NCAPH2: variants seen among roughly 807,000 people sequenced by gnomAD.
The protein encoded by NCAPH2 is non-SMC condensin II complex subunit H2, also known as condensin-2 complex subunit H2.
Under a neutral mutation model 88.6 loss-of-function variants are expected in NCAPH2, and 56 were observed. The observed-to-expected ratio is 0.63, with a 90% CI of 0.51 to 0.79. The LOEUF is 0.79. NCAPH2 is among the 30% of genes least tolerant of loss of function. NCAPH2 has a pLI of 0.00. For missense variants in NCAPH2, 794 were observed against 792.0 expected (o/e 1.00, Z -0.03); for synonymous variants, 378 against 313.6 (o/e 1.21, Z -2.17).
At chr22:50,518,558 G>C in intron 7 of NCAPH2, 91 bp from the exon 8 acceptor site, 1 of 1,328,920 alleles carries the variant, frequency 7.5e-7, no homozygotes, top group African/African-American at 1.5e-5. Context: ...CTGCCCTCCT[G>C]CTGGCCCCTT....
Position 50,521,855 on chromosome 22 carries a change from G to A in NCAPH2, c.1108+7G>A, listed in dbSNP as rs780983594. The A allele has an allele frequency of 1.1e-5, 17 of 1,613,856 alleles. No individual in the cohort carries two copies. Among genetic ancestry groups the A allele is most frequent in the Admixed American group, 1.7e-5 (1 of 60,028 alleles). On this transcript the variant is annotated splice_region_variant and intron_variant, in intron 12 of 19. Coordinates refer to ENST00000420993, the MANE Select transcript of NCAPH2 (RefSeq NM_152299.4). ...CAGTGGTACCTGGCTGCCTGTGAGT[G>A]GGTGTGGTGTGCACTCCGGACCACT...
At chr22:50,515,695 C>A (rs900799017) in intron 1 of NCAPH2, 8 of 1,071,892 alleles carry the variant, frequency 7.5e-6, no homozygotes, top group Admixed American at 6.8e-5. Flanking sequence ...CGCACCCGGC[C>A]TTTTTTTTTT....
chr22:50,524,690 G>A lies in NCAPH2; in HGVS notation c.*1315G>A. Reference sequence around the variant, plus strand: ...CCCTGCACCTGCACCTCAGCAAGGTGAACCTCTTGCTGACGGAAAGCATTC... The same window carrying A: ...CCCTGCACCTGCACCTCAGCAAGGTAAACCTCTTGCTGACGGAAAGCATTC... On this transcript the variant is annotated 3_prime_UTR_variant, in exon 20 of 20. Coordinates refer to ENST00000420993, the MANE Select transcript of NCAPH2 (RefSeq NM_152299.4). The A allele has an allele frequency of 1.5e-6, 1 of 665,246 alleles. No individual in the cohort carries two copies. The highest frequency in any genetic ancestry group is 2.1e-5 in the Admixed American group (1 of 48,316). 41.2% of individuals were successfully genotyped at this position (665,246 alleles called of 1,614,324 possible).
At position 50,523,243 on chromosome 22, in the gene NCAPH2, C is replaced by T. The variant is rs375963947; in HGVS notation, c.1686C>T (p.Asp562=). Residue 562 remains aspartate (D), a synonymous_variant, in exon 20 of 20, where the codon GAC becomes GAT. Coordinates refer to ENST00000420993, the MANE Select transcript of NCAPH2 (RefSeq NM_152299.4). ...ATGTGCCACCCCTGCAGGCCAATGACTACACAGTGGAGATAACCCAGCAGC... is the reference window on the plus strand; with the variant it reads ...ATGTGCCACCCCTGCAGGCCAATGATTACACAGTGGAGATAACCCAGCAGC... The part of the protein sequence containing the change: ...SMLASLQLAN[D]YTVEITQQPG... 4 of 1,612,962 alleles carry T rather than the reference C, an allele frequency of 2.5e-6. No homozygotes were observed. The highest frequency in any genetic ancestry group is 2.2e-5 in the East Asian group (1 of 44,850).
At position 50,508,246 on chromosome 22, in the gene NCAPH2, C is replaced by A; in HGVS notation, c.-92C>A. ...TACGCATTTTCCTGGGCGGGAACAG[C>A]AAAATGGCGCCAGAACTAGTGGCGG... On this transcript the variant is annotated 5_prime_UTR_variant, in exon 1 of 20. Coordinates refer to ENST00000420993, the MANE Select transcript of NCAPH2 (RefSeq NM_152299.4). 1.0e-6 allele frequency: 1 copy of A among 995,304 alleles called. No individual in the cohort carries two copies. The highest frequency in any genetic ancestry group is 1.4e-6 in the Non-Finnish European group (1 of 703,758). The allele number at this position is 995,304 out of a possible 1,614,324, so 61.7% of individuals were successfully genotyped here. A position where few individuals can be genotyped will look rare whatever the true frequency, so the allele number is the denominator to read the frequency against.
Position 50,508,292 on chromosome 22 carries a change from C to G in NCAPH2, c.-46C>G, listed in dbSNP as rs1418126584. On this transcript the variant is annotated 5_prime_UTR_variant, in exon 1 of 20. Transcript: ENST00000420993. ...GGCGGGCTGAGGACGCCGTACCCCTCGGAAGGCAGCCCTGCGGTCCCTTTG... is the reference window on the plus strand; with the variant it reads ...GGCGGGCTGAGGACGCCGTACCCCTGGGAAGGCAGCCCTGCGGTCCCTTTG... The G allele has an allele frequency of 1.4e-6, 2 of 1,398,754 alleles. No individual in the cohort carries two copies. The highest frequency in any genetic ancestry group is 1.9e-6 in the Non-Finnish European group (2 of 1,057,132). The allele number at this position is 1,398,754 out of a possible 1,614,324, so 86.6% of individuals were successfully genotyped here. A position where few individuals can be genotyped will look rare whatever the true frequency, so the allele number is the denominator to read the frequency against.
intron 1 of NCAPH2, among the ~76,000 whole-genome samples, chr22:50,515,092 C>T (rs911082448): frequency 6.6e-6 from 1 of 152,250 alleles, no homozygotes; most frequent in African/African-American, 2.4e-5. Flanking sequence ...TGGAATTACA[C>T]TAATGCTGCT....
At chr22:50,511,007 C>T (rs1021609185) in intron 1 of NCAPH2, among the ~76,000 whole-genome samples, 2 of 151,484 alleles carry the variant, frequency 1.3e-5, no homozygotes, top group Admixed American at 6.6e-5. Flanking sequence ...CCACCACACC[C>T]GGCTAATGTT....
chr22:50,518,391 G>A (rs572460315), intron 7 of NCAPH2, 113 bp downstream of exon 7: 2 of 1,451,374 alleles, frequency 1.4e-6, no homozygotes, highest in Admixed American at 2.3e-5. Context: ...CCCTGTCTCT[G>A]GGTGCCTGCT....
chr22:50,517,889 G>A, intron 5 of NCAPH2, 80 bp downstream of exon 5: 2 of 1,603,982 alleles, frequency 1.2e-6, no homozygotes, highest in Non-Finnish European at 8.5e-7. Context: ...ATGGGGTGTG[G>A]GAAGGTGTCA....
Position 50,523,895 on chromosome 22 carries a change from C to T in NCAPH2, c.*520C>T, listed in dbSNP as rs773221448. 3.5e-5 allele frequency: 57 copies of T among 1,613,712 alleles called. No homozygotes were observed. Among genetic ancestry groups the T allele is most frequent in the African/African-American group, 1.2e-4 (9 of 74,926 alleles). ...ACGTAGCGGGCCATGGCTTCAACGTCGTCCCGCTCGGGGTCCACAGTGATG... is the reference window on the plus strand; with the variant it reads ...ACGTAGCGGGCCATGGCTTCAACGTTGTCCCGCTCGGGGTCCACAGTGATG... On this transcript the variant is annotated 3_prime_UTR_variant, in exon 20 of 20. Coordinates refer to ENST00000420993, the MANE Select transcript of NCAPH2 (RefSeq NM_152299.4).
chr22:50,509,670 G>A (rs941343070), intron 1 of NCAPH2, among the ~76,000 whole-genome samples: 1 of 152,210 alleles, frequency 6.6e-6, no homozygotes, highest in African/African-American at 2.4e-5. Context: ...AGCAGCAAGT[G>A]TGACTCTTAA....
In NCAPH2 at chr22:50,518,713, C is replaced by T. The variant is rs774011340; in HGVS notation, c.711C>T (p.Leu237=). 1.2e-5 allele frequency: 19 copies of T among 1,606,906 alleles called. 1 individual carries two copies. The highest frequency in any genetic ancestry group is 6.7e-5 in the South Asian group (6 of 89,562). The change falls in exon 8 of 20, where the codon CTC becomes CTT. Residue 237 remains leucine, a synonymous_variant. Transcript: ENST00000420993. ...VSVCRSPVPA[L]GFSQEPGPSP... ...TGTGCAGGAGCCCTGTCCCAGCACT[C>T]GGCTTCTCCCAGGAGCCAGGTGAGA...
chr22:50,523,187 G>T, intron 19 of NCAPH2, 21 bp downstream of exon 19: 3 of 1,613,706 alleles, frequency 1.9e-6, no homozygotes, highest in Non-Finnish European at 2.5e-6. Context: ...TGGGATACGT[G>T]GGAGGGGGAG....
rs2068743786 is a variant in NCAPH2, at chr22:50,510,079, G to A, written c.108+1634G>A. 2.0e-5 allele frequency among the ~76,000 whole-genome samples: 3 copies of A among 151,986 alleles called. No homozygotes were observed. The South Asian group carries it at 6.2e-4, about 32-fold the overall frequency. ...TGGGACTACAGGCGCCCGCCTCCAC[G>A]CCCAACTAATTTTTTTGTATTTTAG... On this transcript the variant is annotated intron_variant, in intron 1 of 19. Transcript: ENST00000420993.
Position 50,517,588 on chromosome 22 carries a change from A to C in NCAPH2, c.278A>C (p.Gln93Pro). The C allele has an allele frequency of 6.2e-7, 1 of 1,614,086 alleles. No homozygotes were observed. Among genetic ancestry groups the C allele is most frequent in the East Asian group, 2.2e-5 (1 of 44,888 alleles). The part of the protein sequence containing the change: ...DFISGKRRAK[Q>P]LSSVQEDRAN... ...TGCTTCTCTCTCAGGCGGGCCAAGC[A>C]GCTCTCTTCGGTGCAGGAGGACAGG... is the stretch of plus-strand genomic sequence containing the variant. Residue 93 changes from glutamine (Q) to proline (P), a missense_variant, in exon 4 of 20, where the codon CAG becomes CCG. Coordinates refer to ENST00000420993, the MANE Select transcript of NCAPH2 (RefSeq NM_152299.4).
chr22:50,522,346 G>A lies in NCAPH2; in HGVS notation c.1237G>A (p.Ala413Thr), dbSNP rs879074991. 6 of 1,605,002 alleles carry A rather than the reference G, an allele frequency of 3.7e-6. No individual in the cohort carries two copies. The South Asian group carries it at 5.6e-5, about 15-fold the overall frequency. ...TLRKLQRREV[A>T]EQWLRPAEED... ...CACAGATGCTTTCTCTGGACAGGTGGCTGAGCAGTGGCTGCGGCCTGCAGA... is the reference window on the plus strand; with the variant it reads ...CACAGATGCTTTCTCTGGACAGGTGACTGAGCAGTGGCTGCGGCCTGCAGA... The change falls in exon 15 of 20, where the codon GCT (alanine) becomes ACT (threonine). Residue 413 changes from alanine (A) to threonine (T), a missense_variant. Physicochemically the swap from Ala to Thr is moderately conservative, Grantham distance 58 (BLOSUM62 0). Around this residue, in one of 2 missense-constraint regions of NCAPH2, gnomAD observed 735 missense variants for 696.3 expected, o/e 1.06. Coordinates refer to ENST00000420993, the MANE Select transcript of NCAPH2 (RefSeq NM_152299.4).
intron 10 of NCAPH2, among the ~76,000 whole-genome samples, chr22:50,521,331 CTG>C (rs2069085457): frequency 7.3e-6 from 1 of 137,446 alleles, no homozygotes; most frequent in African/African-American, 3.6e-5. Context: ...GGGAGGGTGG[CTG>C]TGTACCCCCT....
intron 1 of NCAPH2, among the ~76,000 whole-genome samples, chr22:50,508,788 T>C (rs2068701197): frequency 6.6e-6 from 1 of 152,260 alleles, no homozygotes; most frequent in African/African-American, 2.4e-5. Context: ...CTTGTGTGTT[T>C]GAGAGGTCTG....
Sources: allele counts gnomAD v4.1 joint callset (sites outside exome capture counted in the v4.1 genomes callset), GRCh38; gene constraint gnomAD v4.1.1; regional missense constraint gnomAD v4.1.1; transcripts MANE v1.5; gene names NCBI Gene and HGNC (gene_info 2026-07-23, HGNC 2026-07-21).